The following PCDHA10 variants were observed in gnomAD, a reference collection of about 807,000 sequenced individuals.
PCDHA10 encodes protocadherin alpha-10.
Under a neutral mutation model 61.2 loss-of-function variants are expected in PCDHA10, and 45 were observed. The observed-to-expected ratio is 0.74, with a 90% CI of 0.58 to 0.94. The LOEUF (loss-of-function observed/expected upper bound fraction) is 0.94. Among genes scored for constraint, PCDHA10 ranks in the 40% least tolerant of loss-of-function variants. The pLI, the probability that PCDHA10 is intolerant of heterozygous loss-of-function variation, is 0.00. For missense variants in PCDHA10, 1,278 were observed against 1,236.2 expected (o/e 1.03, Z -0.51); for synonymous variants, 602 against 548.8 (o/e 1.10, Z -1.35).
chr5:140,861,636 CA>C, intron 1 of PCDHA10: 1 of 303,242 alleles, frequency 3.3e-6, no homozygotes. Flanking sequence ...CTCAGCAACA[CA>C]AAAGAATCTG....
chr5:140,945,534 TACAA>T (rs1326981055), intron 1 of PCDHA10, among the ~76,000 whole-genome samples: 1 of 151,454 alleles, frequency 6.6e-6, no homozygotes, highest in African/African-American at 2.4e-5. Flanking sequence ...AAACAAAACA[TACAA>T]ACAAAAAAAT....
At chr5:140,927,511 G>A (rs1563093224) in intron 1 of PCDHA10, 1 of 1,614,120 alleles carries the variant, frequency 6.2e-7, no homozygotes, top group Non-Finnish European at 8.5e-7. Context: ...TACAGCTCGG[G>A]ACGGCGGGCT....
At chr5:140,860,671 T>A (rs1339790199) in intron 1 of PCDHA10, 1 of 152,218 alleles carries the variant, frequency 6.6e-6, no homozygotes, top group Non-Finnish European at 1.5e-5. Context: ...TGAAATCAAA[T>A]GCACTTATGT....
chr5:140,992,393 A>G (rs2097508684), intron 3 of PCDHA10, among the ~76,000 whole-genome samples: 1 of 152,180 alleles, frequency 6.6e-6, no homozygotes, highest in African/African-American at 2.4e-5. Context: ...TTCTGGACTT[A>G]GAGATATTGT....
chr5:140,999,934 T>C (rs1236304987), intron 3 of PCDHA10, among the ~76,000 whole-genome samples: 1 of 152,068 alleles, frequency 6.6e-6, no homozygotes, highest in Non-Finnish European at 1.5e-5. Context: ...GCTCAACTCA[T>C]TCCACCCAAA....
intron 1 of PCDHA10, chr5:140,881,383 G>C: frequency 1.0e-6 from 1 of 984,330 alleles, no homozygotes; most frequent in Non-Finnish European, 1.2e-6. Flanking sequence ...AGCCGGCGGC[G>C]GTAAGTTAAA....
At chr5:140,976,753 G>A (rs2096729890) in intron 1 of PCDHA10, among the ~76,000 whole-genome samples, 1 of 152,130 alleles carries the variant, frequency 6.6e-6, no homozygotes. Context: ...CCTCCCAGAT[G>A]CCAGAAGCCT....
Position 140,871,315 on chromosome 5 carries a change from CT to C in PCDHA10, c.2388+12880del, listed in dbSNP as rs1352668242. On this transcript the variant is annotated intron_variant, in intron 1 of 3. Transcript: ENST00000307360. ...CGCGTGCGCGCCGGGGAAGCCCACGCTGGTGTGCTCCCGCGCGGTGGGGAGC... is the reference window on the plus strand; with the variant it reads ...CGCGTGCGCGCCGGGGAAGCCCACGCGGTGTGCTCCCGCGCGGTGGGGAGC... The C allele has an allele frequency of 8.1e-6, 13 of 1,613,928 alleles. No homozygotes were observed. In the Admixed American group the frequency reaches 2.0e-4, roughly 25 times the overall value.
At chr5:140,956,930 A>G (rs2153711573) in intron 1 of PCDHA10, among the ~76,000 whole-genome samples, 1 of 151,954 alleles carries the variant, frequency 6.6e-6, no homozygotes, top group East Asian at 1.9e-4. Flanking sequence ...TGCTGGATAT[A>G]GGATAAAATT....
intron 1 of PCDHA10, among the ~76,000 whole-genome samples, chr5:140,949,300 G>T (rs1373100269): frequency 1.3e-5 from 2 of 151,534 alleles, no homozygotes; most frequent in Non-Finnish European, 1.5e-5. Flanking sequence ...GTAATTGTTG[G>T]GTGTAATGAT....
intron 1 of PCDHA10, chr5:140,869,622 TA>T: frequency 6.2e-7 from 1 of 1,613,790 alleles, no homozygotes; most frequent in Non-Finnish European, 8.5e-7. Context: ...ACAGGCTAAG[TA>T]AAAATGAGTA....
intron 1 of PCDHA10, chr5:140,967,750 C>G (rs782284231): frequency 6.2e-7 from 1 of 1,614,190 alleles, no homozygotes; most frequent in South Asian, 1.1e-5. Flanking sequence ...ATGAGGAAGC[C>G]TCCTCCTACC....
intron 1 of PCDHA10, among the ~76,000 whole-genome samples, chr5:140,896,094 AGC>A (rs2065382019): frequency 6.6e-6 from 1 of 152,148 alleles, no homozygotes; most frequent in Non-Finnish European, 1.5e-5. Context: ...TACAGGCGTG[AGC>A]CACTGTGCCT....
chr5:140,948,315 G>A (rs246048), intron 1 of PCDHA10, among the ~76,000 whole-genome samples: 85,363 of 151,182 alleles, frequency 0.56, 24,689 homozygotes, highest in African/African-American at 0.69. Context: ...TTCTTGAGGG[G>A]TAATGTTTTC....
At chr5:140,979,051 G>T (rs1554240209) in intron 2 of PCDHA10, 44 bp downstream of exon 2, 1 of 1,609,534 alleles carries the variant, frequency 6.2e-7, no homozygotes, top group South Asian at 1.1e-5. Flanking sequence ...ACCTTAACTT[G>T]GTATGGCTCA....
Position 140,877,923 on chromosome 5 carries a change from T to C in PCDHA10, c.2388+19487T>C, listed in dbSNP as rs1252401405. ...ATAACTACATTCTCTCATTTTTCTTTATGATTCTATCCTTTAAACTATCGA... is the reference window on the plus strand; with the variant it reads ...ATAACTACATTCTCTCATTTTTCTTCATGATTCTATCCTTTAAACTATCGA... On this transcript the variant is annotated intron_variant, in intron 1 of 3. Coordinates refer to ENST00000307360, the MANE Select transcript of PCDHA10 (RefSeq NM_018901.4). 5 of 1,421,040 alleles carry C rather than the reference T, an allele frequency of 3.5e-6. No individual in the cohort carries two copies. The African/African-American group carries it at 5.8e-5, about 16-fold the overall frequency. The allele number at this position is 1,421,040 out of a possible 1,614,324, so 88.0% of individuals were successfully genotyped here. A position where few individuals can be genotyped will look rare whatever the true frequency, so the allele number is the denominator to read the frequency against.
chr5:140,992,363 G>T (rs1028043863), intron 3 of PCDHA10, among the ~76,000 whole-genome samples: 2 of 152,136 alleles, frequency 1.3e-5, no homozygotes, highest in Non-Finnish European at 2.9e-5. Context: ...GAGAAAAATG[G>T]TTCCCATTAC....
intron 3 of PCDHA10, among the ~76,000 whole-genome samples, chr5:140,992,803 G>A (rs2097529196): frequency 6.6e-6 from 1 of 152,146 alleles, no homozygotes; most frequent in African/African-American, 2.4e-5. Context: ...GGATCCATAT[G>A]TATCTAAGGA....
At chr5:140,991,757 C>T (rs1554252410) in intron 3 of PCDHA10, among the ~76,000 whole-genome samples, 1 of 152,160 alleles carries the variant, frequency 6.6e-6, no homozygotes, top group African/African-American at 2.4e-5. Context: ...CTATCATGCT[C>T]TTCAAAATTC....
Sources: gnomAD v4.1 joint callset for allele counts (sites outside exome capture counted in the v4.1 genomes callset) on GRCh38, gnomAD v4.1.1 for gene constraint, MANE v1.5 for transcripts, NCBI Gene and HGNC (gene_info 2026-07-23, HGNC 2026-07-21) for gene names.